Variants in PIKFYVE observed in about 807,000 individuals in gnomAD.
The protein encoded by PIKFYVE is phosphoinositide kinase, FYVE-type zinc finger containing.
Under a neutral mutation model 257.9 loss-of-function variants are expected in PIKFYVE, and 122 were observed. The ratio of observed to expected loss-of-function variants is 0.47; its 90% confidence interval spans 0.41 to 0.55. The LOEUF (loss-of-function observed/expected upper bound fraction) is 0.55, where lower values mean the gene tolerates loss of function less well. PIKFYVE is among the 20% of genes least tolerant of loss of function. The pLI, the probability that PIKFYVE is intolerant of heterozygous loss-of-function variation, is 0.00. For synonymous variants in PIKFYVE, 892 were observed against 868.9 expected (o/e 1.03, Z -0.47); for missense variants, 2,160 against 2,536.6 (o/e 0.85, Z 3.19).
chr2:208,295,631 A>G (rs955139281), intron 7 of PIKFYVE, among the ~76,000 whole-genome samples: 1 of 152,180 alleles, frequency 6.6e-6, no homozygotes, highest in African/African-American at 2.4e-5. Flanking sequence ...TGGGGCAGTA[A>G]TACTCCATGA....
At chr2:208,271,995 G>C (rs968659054) in intron 2 of PIKFYVE, among the ~76,000 whole-genome samples, 25 of 152,260 alleles carry the variant, frequency 1.6e-4, no homozygotes, top group African/African-American at 5.8e-4. Context: ...AGCACTTTGG[G>C]AGGCTGAGGC....
chr2:208,277,796 A>T, intron 5 of PIKFYVE, 88 bp downstream of exon 5: 1 of 1,466,366 alleles, frequency 6.8e-7, no homozygotes, highest in Non-Finnish European at 9.5e-7. Flanking sequence ...GCCAATTTTC[A>T]TTTTGGGTTT....
chr2:208,313,781 C>G (rs1210823843), intron 13 of PIKFYVE, among the ~76,000 whole-genome samples: 2 of 152,092 alleles, frequency 1.3e-5, no homozygotes, highest in African/African-American at 4.8e-5. Flanking sequence ...TGGAGTTTCG[C>G]CATGTTGGCC....
At chr2:208,328,084 A>C in intron 20 of PIKFYVE, 96 bp from the exon 21 acceptor site, 1 of 1,597,500 alleles carries the variant, frequency 6.3e-7, no homozygotes, top group Non-Finnish European at 8.5e-7. Context: ...CACAGTGATA[A>C]TTGGAGGCTT....
chr2:208,343,118 ATCT>A (rs1374205470), intron 32 of PIKFYVE, among the ~76,000 whole-genome samples: 6 of 152,128 alleles, frequency 3.9e-5, no homozygotes, highest in African/African-American at 1.4e-4. Flanking sequence ...GTGCATAAAA[ATCT>A]TCTCTGAACC....
chr2:208,339,114 A>G (rs1032527575), intron 29 of PIKFYVE, among the ~76,000 whole-genome samples: 1 of 152,164 alleles, frequency 6.6e-6, no homozygotes, highest in Non-Finnish European at 1.5e-5. Context: ...TTCATTCTCT[A>G]TTAAACTAAA....
chr2:208,335,406 G>A lies in PIKFYVE; in HGVS notation c.4243G>A (p.Asp1415Asn). 1 of 1,595,378 alleles carries A rather than the reference G, an allele frequency of 6.3e-7. No individual in the cohort carries two copies. Among genetic ancestry groups the A allele is most frequent in the Admixed American group, 1.7e-5 (1 of 59,976 alleles). ...AGTGTCCCTTCTTCAGGATCTGAAG[G>A]ACTTCTTTCAAAAGTAAGTTCAGTT... ...LKVSLLQDLK[D>N]FFQKVSQVYV... Residue 1415 changes from aspartate to asparagine, a missense_variant, in exon 25 of 42, where the codon GAC becomes AAC. By Grantham distance (23) the Asp-to-Asn change is conservative. Around this residue, in one of 12 missense-constraint regions of PIKFYVE, gnomAD observed 699 missense variants for 855.8 expected, o/e 0.82. Transcript: ENST00000264380.
At chr2:208,321,699 T>A (rs377468150) in intron 17 of PIKFYVE, among the ~76,000 whole-genome samples, 3 of 151,420 alleles carry the variant, frequency 2.0e-5, no homozygotes, top group East Asian at 2.0e-4. Context: ...TGCCTCAGCC[T>A]CTCGAGTAGC....
rs1693301933 is a variant in PIKFYVE at position 208,298,741 on chromosome 2, A to C, written c.1012A>C (p.Arg338=). The change falls in exon 8 of 42, where the codon AGG becomes CGG. Residue 338 remains arginine (R), a synonymous_variant. Transcript: ENST00000264380. ...VSPQANRTYV[R]TETTEDERKI... is the part of the protein sequence containing the mutation. Reference sequence around the variant, plus strand: ...TCCCCAGGCTAACCGAACATATGTTAGGACAGAGACCACTGAGGATGAACG... The same window carrying C: ...TCCCCAGGCTAACCGAACATATGTTCGGACAGAGACCACTGAGGATGAACG... The C allele has an allele frequency of 2.5e-6, 4 of 1,614,180 alleles. No individual in the cohort carries two copies. In the East Asian group the frequency reaches 8.9e-5, roughly 36 times the overall value.
At position 208,305,469 on chromosome 2, in the gene PIKFYVE, C is replaced by T. The variant is rs1694211495; in HGVS notation, c.1636+456C>T. On this transcript the variant is annotated intron_variant, in intron 12 of 41. Coordinates refer to ENST00000264380, the MANE Select transcript of PIKFYVE (RefSeq NM_015040.4). ...ATTGGGGGAAAATCATTCACACATT[C>T]CAAAATATCTCCATAATAATTCATA... 9 of 938,202 alleles carry T rather than the reference C, an allele frequency of 9.6e-6. No homozygotes were observed. In the South Asian group the frequency reaches 2.1e-4, roughly 22 times the overall value. The allele number at this position is 938,202 out of a possible 1,614,324, so 58.1% of individuals were successfully genotyped here.
At position 208,347,922 on chromosome 2, in the gene PIKFYVE, C is replaced by G. The variant is rs772235583; in HGVS notation, c.5273C>G (p.Ser1758Cys). ...RGTAGKSPDL[S>C]SQKRETLRGA... ...ACAGCAGGGAAAAGCCCCGATCTCT[C>G]TTCCCAGAAGAGAGAGACCTTACGT... The change falls in exon 35 of 42, where the codon TCT (serine) becomes TGT (cysteine). Residue 1758 changes from serine to cysteine, a missense_variant. Physicochemically the swap from Ser to Cys is moderately radical, Grantham distance 112. This residue lies in a region of PIKFYVE where 699 missense variants were observed against 855.8 expected (regional missense o/e 0.82). Coordinates refer to ENST00000264380, the MANE Select transcript of PIKFYVE (RefSeq NM_015040.4). 6.2e-7 allele frequency: 1 copy of G among 1,613,994 alleles called. No individual in the cohort carries two copies. The highest frequency in any genetic ancestry group is 8.5e-7 in the Non-Finnish European group (1 of 1,179,894).
At chr2:208,292,651 C>T (rs1692464593) in intron 7 of PIKFYVE, among the ~76,000 whole-genome samples, 1 of 151,976 alleles carries the variant, frequency 6.6e-6, no homozygotes, top group Admixed American at 6.6e-5. Flanking sequence ...TATCTTTCTC[C>T]ATCTATTTCC....
At position 208,335,260 on chromosome 2, in the gene PIKFYVE, T is replaced by C. The variant is rs777481233; in HGVS notation, c.4143-46T>C. On this transcript the variant is annotated intron_variant, in intron 24 of 41. Coordinates refer to ENST00000264380, the MANE Select transcript of PIKFYVE (RefSeq NM_015040.4). ...TCATGATACAGCTCTATTCAAGATA[T>C]TAAGCTATTTTTCATTTTCTATTGG... 8.0e-6 allele frequency: 10 copies of C among 1,246,938 alleles called. No individual in the cohort carries two copies. In the Admixed American group the frequency reaches 8.4e-5, roughly 10 times the overall value. The allele number at this position is 1,246,938 out of a possible 1,614,324, so 77.2% of individuals were successfully genotyped here.
chr2:208,354,783 C>A, intron 41 of PIKFYVE, 138 bp downstream of exon 41: 1 of 729,946 alleles, frequency 1.4e-6, no homozygotes, highest in South Asian at 1.7e-5. Context: ...CTAAAGTGAC[C>A]AAACAATAAT....
At chr2:208,291,295 T>C (rs1259585738) in intron 7 of PIKFYVE, among the ~76,000 whole-genome samples, 1 of 152,178 alleles carries the variant, frequency 6.6e-6, no homozygotes, top group Admixed American at 6.6e-5. Flanking sequence ...TGATGGGTTA[T>C]ATTAATTGAT....
chr2:208,287,227 G>GT (rs1691689023), intron 6 of PIKFYVE, among the ~76,000 whole-genome samples: 1 of 151,932 alleles, frequency 6.6e-6, no homozygotes, highest in Non-Finnish European at 1.5e-5. Flanking sequence ...TTAGGACTGG[G>GT]TAGGGGAATT....
At chr2:208,284,397 A>T (rs1691264388) in intron 5 of PIKFYVE, among the ~76,000 whole-genome samples, 1 of 151,638 alleles carries the variant, frequency 6.6e-6, no homozygotes, top group African/African-American at 2.4e-5. Flanking sequence ...AGTAGCTGGG[A>T]TTACAGGCAC....
At position 208,315,211 on chromosome 2, in the gene PIKFYVE, C is replaced by A. The variant is rs781086213; in HGVS notation, c.1845C>A (p.His615Gln). 1.9e-6 allele frequency: 3 copies of A among 1,613,752 alleles called. No homozygotes were observed. Among genetic ancestry groups the A allele is most frequent in the African/African-American group, 1.3e-5 (1 of 74,926 alleles). The change falls in exon 15 of 42, where the codon CAC becomes CAA. Residue 615 changes from histidine (H) to glutamine (Q), a missense_variant. Transcript: ENST00000264380. ...TTTGTAGTTCAGCTAATCATAACCA[C>A]ATGATGGCACTACTCCAGCAGTTGC... ...MERLLSANHN[H>Q]MMALLQQLLH... is the part of the protein sequence containing the mutation.
chr2:208,277,594 T>G lies in PIKFYVE; in HGVS notation c.499T>G (p.Cys167Gly). 6.2e-7 allele frequency: 1 copy of G among 1,613,934 alleles called. No individual in the cohort carries two copies. The change falls in exon 5 of 42, where the codon TGT (cysteine) becomes GGT (glycine). Residue 167 changes from cysteine (C) to glycine (G), a missense_variant. Physicochemically the swap from Cys to Gly is radical, Grantham distance 159. Around this residue, in one of 12 missense-constraint regions of PIKFYVE, gnomAD observed 28 missense variants for 68.2 expected, o/e 0.41. Coordinates refer to ENST00000264380, the MANE Select transcript of PIKFYVE (RefSeq NM_015040.4). ...TAGCCAATGTAAAGAGTGCTATGAC[T>G]GTAGTGAGAAATTTACAACCTTTAG... ...PDSQCKECYD[C>G]SEKFTTFRRR...
Sources: allele counts gnomAD v4.1 joint callset (sites outside exome capture counted in the v4.1 genomes callset), GRCh38; gene constraint gnomAD v4.1.1; regional missense constraint gnomAD v4.1.1; transcripts MANE v1.5; gene names NCBI Gene and HGNC (gene_info 2026-07-23, HGNC 2026-07-21).